The following SNX31 variants were observed in gnomAD, a reference collection of about 807,000 sequenced individuals.
SNX31 encodes the protein sorting nexin 31.
Under a neutral mutation model 65.4 loss-of-function variants are expected in SNX31, and 58 were observed. That is an observed-to-expected ratio of 0.89 (90% CI 0.72 to 1.10). The LOEUF is 1.10. SNX31 is among the 50% of genes least tolerant of loss of function. The pLI, the probability that SNX31 is intolerant of heterozygous loss-of-function variation, is 0.00. For synonymous variants in SNX31, 181 were observed against 190.1 expected (o/e 0.95, Z 0.39); for missense variants, 523 against 529.7 (o/e 0.99, Z 0.12).
At position 100,629,656 on chromosome 8, in the gene SNX31, T is replaced by C. The variant is rs1818289169; in HGVS notation, c.321+671A>G. Among the ~76,000 whole-genome samples the C allele has an allele frequency of 1.3e-5, 2 of 152,240 alleles. No homozygotes were observed. Among genetic ancestry groups the C allele is most frequent in the Admixed American group, 6.5e-5 (1 of 15,276 alleles). On this transcript the variant is annotated intron_variant, in intron 4 of 13. Transcript: ENST00000311812. The surrounding 1 kb of genome is among the most constrained non-coding windows in gnomAD (Gnocchi z 5.1). ...GTATCATATTACTGCGGAACTTAAA[T>C]TCTTTCAGAGCTTTTCCAGCCAAGC...
intron 10 of SNX31, among the ~76,000 whole-genome samples, chr8:100,591,488 CAAAAAA>C (rs71274986): frequency 3.9e-5 from 3 of 77,528 alleles, no homozygotes; most frequent in Non-Finnish European, 2.6e-5. Context: ...GACTCCGTCT[CAAAAAA>C]AAAAAAAAAA....
At chr8:100,662,669 C>T (rs1268414689) in intron 1 of SNX31, among the ~76,000 whole-genome samples, 7 of 152,236 alleles carry the variant, frequency 4.6e-5, no homozygotes, top group African/African-American at 1.2e-4. Context: ...TGCACTCCAG[C>T]CTAGGCCACA....
chr8:100,573,705 T>G lies in SNX31; in HGVS notation c.*160A>C. On this transcript the variant is annotated 3_prime_UTR_variant, in exon 14 of 14. Transcript: ENST00000311812. ...TAATCTTGAGATTTCCATAGAGTGC[T>G]GTGGTATAATACCTTGATGAATACA... 1 of 410,400 alleles carries G rather than the reference T, an allele frequency of 2.4e-6. No homozygotes were observed. Among genetic ancestry groups the G allele is most frequent in the Non-Finnish European group, 4.3e-6 (1 of 231,378 alleles). The allele number at this position is 410,400 out of a possible 1,614,324, so 25.4% of individuals were successfully genotyped here.
At chr8:100,637,401 G>GA (rs969786295) in intron 2 of SNX31, among the ~76,000 whole-genome samples, 10 of 152,274 alleles carry the variant, frequency 6.6e-5, no homozygotes, top group African/African-American at 2.4e-4. Flanking sequence ...TAAAGAAAAT[G>GA]AAAGATGGAA....
upstream of SNX31, among the ~76,000 whole-genome samples, chr8:100,652,649 G>A (rs1819995349): frequency 6.6e-6 from 1 of 152,092 alleles, no homozygotes; most frequent in South Asian, 2.1e-4. Flanking sequence ...TCTACTTGGT[G>A]TGTAATCTTT....
At chr8:100,651,961 C>T (rs542224313), upstream of SNX31, among the ~76,000 whole-genome samples, 5 of 150,370 alleles carry the variant, frequency 3.3e-5, no homozygotes, top group Admixed American at 6.7e-5. Flanking sequence ...ACTTGACAAG[C>T]GCACCCTTTA....
chr8:100,612,894 G>T lies in SNX31; in HGVS notation c.523+101C>A. The T allele has an allele frequency of 1.0e-6, 1 of 961,432 alleles. No homozygotes were observed. The highest frequency in any genetic ancestry group is 1.7e-6 in the Non-Finnish European group (1 of 590,896). The allele number at this position is 961,432 out of a possible 1,614,324, so 59.6% of individuals were successfully genotyped here. On this transcript the variant is annotated intron_variant, in intron 6 of 13. Coordinates refer to ENST00000311812, the MANE Select transcript of SNX31 (RefSeq NM_152628.4). This position sits in a 1 kb window ranked among gnomAD's most constrained non-coding sequence, Gnocchi z 4.3. ...ACTGAGAACAGTGGTAGGGATCACAGCCCAGTGGGTGGCCAGCCCCTCAGC... is the reference window on the plus strand; with the variant it reads ...ACTGAGAACAGTGGTAGGGATCACATCCCAGTGGGTGGCCAGCCCCTCAGC...
rs1023609806 is a variant in SNX31, at chr8:100,578,048, A to G, written c.1171-973T>C. On this transcript the variant is annotated intron_variant, in intron 12 of 13. Transcript: ENST00000311812. This position sits in a 1 kb window ranked among gnomAD's most constrained non-coding sequence, Gnocchi z 4.7. The stretch of plus-strand genomic sequence containing the variant: ...CTCAGTGTTTTAAGAAAGTTTATGA[A>G]TTTGCATTAGGCCACATTCAGACAT... 6.6e-5 allele frequency among the ~76,000 whole-genome samples: 10 copies of G among 152,088 alleles called. No individual in the cohort carries two copies. Among genetic ancestry groups the G allele is most frequent in the Non-Finnish European group, 1.5e-4 (10 of 68,038 alleles).
chr8:100,655,444 G>C (rs1820040052), intron 1 of SNX31, among the ~76,000 whole-genome samples: 2 of 152,052 alleles, frequency 1.3e-5, no homozygotes, highest in South Asian at 4.2e-4. Flanking sequence ...TGAATCATGG[G>C]GGCAGTTTCC....
chr8:100,590,903 C>T (rs1439948904), intron 10 of SNX31, among the ~76,000 whole-genome samples: 1 of 152,088 alleles, frequency 6.6e-6, no homozygotes, highest in Non-Finnish European at 1.5e-5. Context: ...ATGAAGTGAG[C>T]CCCATAATTA....
chr8:100,574,010 C>T (rs1438985785), intron 13 of SNX31, 50 bp from the exon 14 acceptor site: 3 of 1,105,612 alleles, frequency 2.7e-6, no homozygotes, highest in Non-Finnish European at 3.9e-6. Flanking sequence ...GAAATCATTT[C>T]CATAACAATA....
chr8:100,649,411 C>T (rs1384333028), intron 1 of SNX31, 38 bp downstream of exon 1: 2 of 1,590,530 alleles, frequency 1.3e-6, no homozygotes, highest in South Asian at 1.1e-5. Flanking sequence ...TGCCACCGGC[C>T]CCCTCCCTGC....
At chr8:100,607,581 CCTAGTATTTG>C (rs1213529920) in intron 8 of SNX31, among the ~76,000 whole-genome samples, 1 of 152,032 alleles carries the variant, frequency 6.6e-6, no homozygotes, top group East Asian at 1.9e-4. Context: ...ATGAAGAAGA[CCTAGTATTTG>C]CTAGCACAAC....
At chr8:100,641,440 G>A (rs1819169019) in intron 2 of SNX31, among the ~76,000 whole-genome samples, 1 of 148,384 alleles carries the variant, frequency 6.7e-6, no homozygotes, top group South Asian at 2.2e-4. Flanking sequence ...TCAGGAAGTT[G>A]AGGTGGGAGA....
At position 100,604,720 on chromosome 8, in the gene SNX31, G is replaced by C. The variant is rs1815978940; in HGVS notation, c.681+3774C>G. 1.3e-5 allele frequency among the ~76,000 whole-genome samples: 2 copies of C among 152,218 alleles called. No individual in the cohort carries two copies. Among genetic ancestry groups the C allele is most frequent in the African/African-American group, 2.4e-5 (1 of 41,462 alleles). On this transcript the variant is annotated intron_variant, in intron 8 of 13. Transcript: ENST00000311812. This position sits in a 1 kb window ranked among gnomAD's most constrained non-coding sequence, Gnocchi z 4.3. Reference sequence around the variant, plus strand: ...TCATTTTTAAACTCAGGTTAAAAGAGGAGCAGAAGAAAGGAAACAGGCTGT... The same window carrying C: ...TCATTTTTAAACTCAGGTTAAAAGACGAGCAGAAGAAAGGAAACAGGCTGT...
chr8:100,596,918 C>A, intron 9 of SNX31, 76 bp from the exon 10 acceptor site: 2 of 1,261,412 alleles, frequency 1.6e-6, no homozygotes, highest in Non-Finnish European at 1.2e-6. Flanking sequence ...ATGAAAACCT[C>A]ATGTCAGAAG....
At chr8:100,595,486 A>G (rs893039721) in intron 10 of SNX31, among the ~76,000 whole-genome samples, 5 of 151,886 alleles carry the variant, frequency 3.3e-5, no homozygotes, top group Non-Finnish European at 5.9e-5. Context: ...TTTTTGTATT[A>G]GTTTGTAGAG....
chr8:100,624,778 AC>A (rs1467092130), intron 4 of SNX31, among the ~76,000 whole-genome samples: 1 of 152,194 alleles, frequency 6.6e-6, no homozygotes, highest in Non-Finnish European at 1.5e-5. Context: ...GTATAAAAAA[AC>A]AAAACATTAA....
chr8:100,618,347 C>T, intron 4 of SNX31: 1 of 1,534,908 alleles, frequency 6.5e-7, no homozygotes, highest in Non-Finnish European at 8.7e-7. Flanking sequence ...TTCAGTATTT[C>T]CAAGCATCCC....
Sources: allele counts gnomAD v4.1 joint callset (sites outside exome capture counted in the v4.1 genomes callset), GRCh38; gene constraint gnomAD v4.1.1; non-coding constraint Gnocchi (gnomAD v3.1); transcripts MANE v1.5; gene names NCBI Gene and HGNC (gene_info 2026-07-23, HGNC 2026-07-21).